The following GABRA3 variants were observed in gnomAD, a reference collection of about 807,000 sequenced individuals.
The protein encoded by GABRA3 is gamma-aminobutyric acid receptor subunit alpha-3.
In GABRA3, 10 loss-of-function variants were observed where a neutral mutation model predicts 30.1. The observed-to-expected ratio is 0.33, with a 90% CI of 0.20 to 0.56. GABRA3 has a LOEUF of 0.56. GABRA3 is among the 20% of genes least tolerant of loss of function. The pLI is 0.89. For missense variants in GABRA3, 233 were observed against 392.0 expected (o/e 0.59, Z 3.42); for synonymous variants, 151 against 146.8 (o/e 1.03, Z -0.21).
intron 1 of GABRA3, among the ~76,000 whole-genome samples, chrX:152,443,720 G>C (rs1402980487): frequency 4.5e-5 from 5 of 111,401 alleles, no homozygotes; most frequent in Non-Finnish European, 9.4e-5. Context: ...GAAAAGATGG[G>C]TTTGCATTTT....
intron 3 of GABRA3, among the ~76,000 whole-genome samples, chrX:152,322,769 G>A (rs1939985956): frequency 9.6e-6 from 1 of 104,084 alleles, no homozygotes; most frequent in Non-Finnish European, 2.0e-5. Flanking sequence ...CCTGACCTCA[G>A]GTGATCCACC....
intron 1 of GABRA3, among the ~76,000 whole-genome samples, chrX:152,433,190 C>T (rs1318214803): frequency 9.1e-6 from 1 of 110,265 alleles, no homozygotes; most frequent in Admixed American, 9.7e-5. Context: ...ATACCATACA[C>T]AATGGAGACA....
At chrX:152,438,357 T>C (rs1247293857) in intron 1 of GABRA3, among the ~76,000 whole-genome samples, 1 of 112,418 alleles carries the variant, frequency 8.9e-6, no homozygotes, top group Admixed American at 9.4e-5. Flanking sequence ...TTATTGCTGA[T>C]GGCAGTGCAA....
rs1413997981 is a variant in GABRA3, at chrX:152,166,801, T to A, written c.*1427A>T. The stretch of plus-strand genomic sequence containing the variant: ...AGTGACCCAGAAGGCCCGCTGAGAT[T>A]GTGCTGATTCTGAGGTCACGGTGGA... On this transcript the variant is annotated 3_prime_UTR_variant, in exon 10 of 10. Coordinates refer to ENST00000370314, the MANE Select transcript of GABRA3 (RefSeq NM_000808.4). The A allele has an allele frequency of 9.0e-6, 1 of 111,161 alleles. No individual in the cohort carries two copies. Among genetic ancestry groups the A allele is most frequent in the Non-Finnish European group, 1.9e-5 (1 of 53,101 alleles). The allele number at this position is 111,161 out of a possible 1,213,427, so 9.2% of individuals were successfully genotyped here. A position where few individuals can be genotyped will look rare whatever the true frequency, so the allele number is the denominator to read the frequency against.
At chrX:152,297,917 A>G (rs4285620) in intron 3 of GABRA3, among the ~76,000 whole-genome samples, 2 of 112,415 alleles carry the variant, frequency 1.8e-5, no homozygotes, top group East Asian at 5.6e-4. Context: ...TAACAAAATT[A>G]GAAAGAGAAG....
At chrX:152,429,555 G>A (rs185314237) in intron 1 of GABRA3, among the ~76,000 whole-genome samples, 146 of 111,549 alleles carry the variant, frequency 1.3e-3, no homozygotes, top group African/African-American at 4.6e-3. Flanking sequence ...CCTTAGAGAT[G>A]ACCTCAAACC....
chrX:152,171,351 G>A (rs1053987429), intron 9 of GABRA3: 5 of 574,293 alleles, frequency 8.7e-6, no homozygotes, highest in Non-Finnish European at 1.0e-5. Flanking sequence ...TAAGTAGTAA[G>A]GGAAAATTAC....
intron 1 of GABRA3, among the ~76,000 whole-genome samples, chrX:152,365,151 C>A (rs1193659791): frequency 9.0e-6 from 1 of 111,137 alleles, no homozygotes; most frequent in Non-Finnish European, 1.9e-5. Context: ...GGGATTGATT[C>A]TCAGCTTCAT....
intron 1 of GABRA3, among the ~76,000 whole-genome samples, chrX:152,398,565 T>C (rs1011419444): frequency 1.8e-5 from 2 of 111,431 alleles, no homozygotes; most frequent in Non-Finnish European, 3.8e-5. Context: ...ATGAAGGGTA[T>C]AGAAAAAAAA....
chrX:152,207,875 C>T (rs1937585459), intron 7 of GABRA3, 126 bp downstream of exon 7: 4 of 660,157 alleles, frequency 6.1e-6, no homozygotes, highest in Middle Eastern at 4.1e-4. Flanking sequence ...ACTCAGTTTT[C>T]TCATGATAAT....
chrX:152,226,850 T>A (rs1436822031), intron 5 of GABRA3, among the ~76,000 whole-genome samples: 1 of 111,790 alleles, frequency 8.9e-6, no homozygotes, highest in African/African-American at 3.3e-5. Context: ...CTCACACCAG[T>A]TAGAATGGCA....
At chrX:152,317,428 T>C (rs1322565282) in intron 3 of GABRA3, among the ~76,000 whole-genome samples, 4 of 111,411 alleles carry the variant, frequency 3.6e-5, no homozygotes, top group African/African-American at 9.8e-5. Context: ...CAAGTCAACA[T>C]AGAAACAATG....
intron 9 of GABRA3, among the ~76,000 whole-genome samples, chrX:152,175,250 A>AT (rs72105011): frequency 0.061 from 6,193 of 102,277 alleles, 199 homozygotes; most frequent in Middle Eastern, 0.11. Context: ...ATAGCAATGG[A>AT]TTTTTTTTTT....
intron 8 of GABRA3, among the ~76,000 whole-genome samples, chrX:152,192,271 T>C (rs1255590117): frequency 8.9e-6 from 1 of 111,990 alleles, no homozygotes; most frequent in Non-Finnish European, 1.9e-5. Flanking sequence ...TTAAAAGATA[T>C]TCAGCCTGTC....
intron 4 of GABRA3, among the ~76,000 whole-genome samples, chrX:152,263,789 C>T (rs1938773534): frequency 9.0e-6 from 1 of 111,447 alleles, no homozygotes; most frequent in South Asian, 3.7e-4. Context: ...ATTTCATAAT[C>T]AAACTCCCAA....
At chrX:152,171,445 T>A in intron 9 of GABRA3, 1 of 467,280 alleles carries the variant, frequency 2.1e-6, no homozygotes, top group Non-Finnish European at 2.7e-6. Context: ...AAGAAGGAAA[T>A]CAAAGCAAAA....
At chrX:152,417,497 C>G (rs1027786111) in intron 1 of GABRA3, among the ~76,000 whole-genome samples, 3 of 106,032 alleles carry the variant, frequency 2.8e-5, no homozygotes, top group Middle Eastern at 4.4e-3. Flanking sequence ...ACTGGAAATA[C>G]CATTTGACCC....
intron 5 of GABRA3, among the ~76,000 whole-genome samples, chrX:152,226,702 C>T (rs1434150276): frequency 1.8e-5 from 2 of 111,289 alleles, no homozygotes; most frequent in Non-Finnish European, 3.8e-5. Flanking sequence ...AACAAACAAC[C>T]CCATCAACAA....
intron 1 of GABRA3, among the ~76,000 whole-genome samples, chrX:152,384,372 C>A (rs768545913): frequency 3.6e-5 from 4 of 111,180 alleles, no homozygotes; most frequent in South Asian, 3.8e-4. Context: ...AGAAAAAAGA[C>A]TATTTAAAAA....
Sources: allele counts gnomAD v4.1 joint callset (sites outside exome capture counted in the v4.1 genomes callset), GRCh38; gene constraint gnomAD v4.1.1; transcripts MANE v1.5; gene names NCBI Gene and HGNC (gene_info 2026-07-23, HGNC 2026-07-21).